Variants in PBRM1 observed in about 807,000 individuals in gnomAD.
PBRM1 encodes protein polybromo-1.
PBRM1 carries 27 observed loss-of-function variants against 194.5 expected under a neutral mutation model. That is an observed-to-expected ratio of 0.14 (90% CI 0.10 to 0.19). PBRM1 has a LOEUF of 0.19. PBRM1 is among the 10% of genes least tolerant of loss of function. The pLI is 1.00. For missense variants in PBRM1, 1,466 were observed against 2,077.2 expected, an observed-to-expected ratio of 0.71 and a Z score of 5.72; for synonymous variants, 655 against 693.2, an observed-to-expected ratio of 0.94 and a Z score of 0.87.
intron 11 of PBRM1, 38 bp from the exon 13 acceptor site, chr3:52,629,073 T>C: frequency 2.7e-6 from 4 of 1,490,280 alleles, no homozygotes; most frequent in Non-Finnish European, 2.8e-6. Context: ...TTTTCTGTCA[T>C]GAAAATTATG....
Position 52,648,337 on chromosome 3 carries a change from A to C in PBRM1, c.813+7T>G, listed in dbSNP as rs2153778283. 2 of 1,542,634 alleles carry C rather than the reference A, an allele frequency of 1.3e-6. No homozygotes were observed. The highest frequency in any genetic ancestry group is 1.8e-6 in the Non-Finnish European group (2 of 1,124,086). On this transcript the variant is annotated splice_region_variant and intron_variant, in intron 7 of 29. Coordinates refer to ENST00000296302, the Ensembl canonical transcript of PBRM1. Reference sequence around the variant, plus strand: ...AAAACAACAACAACAACAACAACAAAACTAACCTTGAATACTTGAGAGCCA... The same window carrying C: ...AAAACAACAACAACAACAACAACAACACTAACCTTGAATACTTGAGAGCCA...
chr3:52,644,129 C>T (rs1468254284), intron 8 of PBRM1, among the ~76,000 whole-genome samples: 9 of 151,368 alleles, frequency 5.9e-5, no homozygotes, highest in South Asian at 4.2e-4. Context: ...TTAATATATA[C>T]CATATATTAT....
chr3:52,575,189 C>T (rs976813064), intron 22 of PBRM1, among the ~76,000 whole-genome samples: 1 of 152,006 alleles, frequency 6.6e-6, no homozygotes, highest in African/African-American at 2.4e-5. Flanking sequence ...AGGTGTGAGC[C>T]ACTGTGCCCA....
At chr3:52,569,139 C>T (rs1192432995) in intron 22 of PBRM1, among the ~76,000 whole-genome samples, 29 of 152,036 alleles carry the variant, frequency 1.9e-4, no homozygotes, top group Admixed American at 1.8e-3. Context: ...CCACCCACCT[C>T]GGCCTCCCAA....
At chr3:52,588,979 T>C (rs2092743730) in intron 18 of PBRM1, 91 bp downstream of exon 20, 3 of 826,590 alleles carry the variant, frequency 3.6e-6, no homozygotes, top group African/African-American at 3.4e-5. Context: ...AGGCTTAAGA[T>C]GTCTGAGTTA....
chr3:52,617,115 T>TA lies in PBRM1; in HGVS notation c.1818+146dup, dbSNP rs1438014376. On this transcript the variant is annotated intron_variant, in intron 14 of 29. Coordinates refer to ENST00000296302, the Ensembl canonical transcript of PBRM1. ...CTTTATAATGTACTGCCTCTGATTG[T>TA]AAACAATGAAGAAAAATCAATTAAC... 9.7e-6 allele frequency: 6 copies of TA among 619,140 alleles called. No individual in the cohort carries two copies. The East Asian group carries it at 1.7e-4, about 18-fold the overall frequency. 38.4% of individuals were successfully genotyped at this position (619,140 alleles called of 1,614,324 possible).
chr3:52,547,977 G>A, downstream of PBRM1: 1 of 1,149,576 alleles, frequency 8.7e-7, no homozygotes, highest in Non-Finnish European at 1.3e-6. Context: ...ATCCTCCTTT[G>A]TTCCTTCCCC....
chr3:52,679,713 G>C (rs2154067757), exon 1 of PBRM1: 2 of 1,612,580 alleles, frequency 1.2e-6, no homozygotes, highest in Non-Finnish European at 1.7e-6. Flanking sequence ...GGAACCCATG[G>C]AATCCAACTT....
At chr3:52,674,623 C>G (rs1181875791) in intron 2 of PBRM1, among the ~76,000 whole-genome samples, 1 of 114,196 alleles carries the variant, frequency 8.8e-6, no homozygotes, top group Non-Finnish European at 1.7e-5. Flanking sequence ...AACCCTGTCT[C>G]TACCAAAAAA....
intron 2 of PBRM1, among the ~76,000 whole-genome samples, chr3:52,670,942 T>C (rs2096933840): frequency 6.6e-6 from 1 of 152,216 alleles, no homozygotes; most frequent in Non-Finnish European, 1.5e-5. Flanking sequence ...TTCTAGCCAA[T>C]ACGAGAGCTG....
chr3:52,627,390 A>C lies in PBRM1; in HGVS notation c.1444-20T>G. 5 of 1,498,244 alleles carry C rather than the reference A, an allele frequency of 3.3e-6. No individual in the cohort carries two copies. The highest frequency in any genetic ancestry group is 1.4e-5 in the African/African-American group (1 of 72,684). The allele number at this position is 1,498,244 out of a possible 1,614,324, so 92.8% of individuals were successfully genotyped here. ...CTTTGCCTAAAACAGAGCAGATCTC[A>C]GGAGTTGAGCTCATGTGCCAAACAC... On this transcript the variant is annotated intron_variant, in intron 12 of 29. Coordinates refer to ENST00000296302, the Ensembl canonical transcript of PBRM1.
chr3:52,603,812 A>AGAAGCATTTAATAGAAT, intron 16 of PBRM1, 80 bp from the exon 19 acceptor site: 1 of 1,211,344 alleles, frequency 8.3e-7, no homozygotes, highest in Non-Finnish European at 1.2e-6. Flanking sequence ...ATTCTATTAA[A>AGAAGCATTTAATAGAAT]TGCTTCTTTA....
At chr3:52,582,738 G>T (rs142400335) in intron 20 of PBRM1, among the ~76,000 whole-genome samples, 1 of 152,060 alleles carries the variant, frequency 6.6e-6, no homozygotes, top group Admixed American at 6.6e-5. Context: ...CTCTTACGTA[G>T]AATCTTTCGG....
upstream of PBRM1, among the ~76,000 whole-genome samples, chr3:52,680,972 G>A (rs2097194819): frequency 6.6e-6 from 1 of 151,880 alleles, no homozygotes; most frequent in South Asian, 2.1e-4. Context: ...AACACTGAAG[G>A]TATTGATCCT....
At chr3:52,575,805 T>G (rs2089422703) in intron 22 of PBRM1, among the ~76,000 whole-genome samples, 1 of 151,802 alleles carries the variant, frequency 6.6e-6, no homozygotes, top group African/African-American at 2.4e-5. Context: ...TGAGCCACCA[T>G]GCCTGGCCTT....
At chr3:52,648,210 A>C in intron 7 of PBRM1, 134 bp downstream of exon 8, 1 of 577,384 alleles carries the variant, frequency 1.7e-6, no homozygotes, top group Non-Finnish European at 3.0e-6. Context: ...CCCAGCCTAA[A>C]TTAAACACTT....
intron 26 of PBRM1, among the ~76,000 whole-genome samples, chr3:52,556,600 C>T (rs531530991): frequency 6.6e-6 from 1 of 152,320 alleles, no homozygotes; most frequent in African/African-American, 2.4e-5. Flanking sequence ...TGTACTTTGG[C>T]ATTTATTATC....
At chr3:52,648,982 G>A (rs770050978) in intron 6 of PBRM1, among the ~76,000 whole-genome samples, 1 of 152,108 alleles carries the variant, frequency 6.6e-6, no homozygotes, top group African/African-American at 2.4e-5. Flanking sequence ...ATTTACGAAG[G>A]AAATGAAAGA....
chr3:52,545,931 A>C (rs566632929), downstream of PBRM1: 8 of 233,108 alleles, frequency 3.4e-5, no homozygotes, highest in South Asian at 1.4e-3. Context: ...TAATATACAG[A>C]AAAACATGAT....
Sources: allele counts gnomAD v4.1 joint callset (sites outside exome capture counted in the v4.1 genomes callset), GRCh38; gene constraint gnomAD v4.1.1; transcripts MANE v1.5; gene names NCBI Gene and HGNC (gene_info 2026-07-23, HGNC 2026-07-21).